The following ACACA variants were observed in gnomAD, a reference collection of about 807,000 sequenced individuals.
ACACA encodes the protein acetyl-CoA carboxylase 1.
ACACA carries 103 observed loss-of-function variants against 296.1 expected under a neutral mutation model. The observed-to-expected ratio is 0.35, with a 90% confidence interval of 0.30 to 0.41. The LOEUF (loss-of-function observed/expected upper bound fraction) is 0.41. Among genes scored for constraint, ACACA ranks in the 10% least tolerant of loss-of-function variants. The pLI is 1.00. For missense variants in ACACA, 1,554 were observed against 2,989.7 expected, an observed-to-expected ratio of 0.52 and a Z score of 11.20; for synonymous variants, 953 against 1,038.6, an observed-to-expected ratio of 0.92 and a Z score of 1.58.
intron 1 of ACACA, chr17:37,389,340 A>T: frequency 6.3e-7 from 1 of 1,590,678 alleles, no homozygotes; most frequent in South Asian, 1.2e-5. Flanking sequence ...GCTGAATCCA[A>T]GCCTGACTCT....
In ACACA at chr17:37,125,727, C is replaced by T; in HGVS notation, c.6012G>A (p.Trp2004Ter). The T allele has an allele frequency of 6.2e-7, 1 of 1,614,044 alleles. No individual in the cohort carries two copies. The highest frequency in any genetic ancestry group is 8.5e-7 in the Non-Finnish European group (1 of 1,180,004). ...CTCTACCAACCACCACAGTCTGTGC[C>T]CAGGGCTGCATAATCTCTGAGAAAG... ...YGSFSEIMQP[W>*]AQTVVVGRAR... is the part of the protein sequence containing the mutation. Residue 2004 changes from tryptophan to a stop codon, truncating the protein, a stop_gained, in exon 48 of 56, where the codon TGG becomes TGA. Coordinates refer to ENST00000616317, the MANE Select transcript of ACACA (RefSeq NM_198834.3). LOFTEE classifies it high-confidence loss of function.
chr17:37,276,120 T>C, intron 7 of ACACA, 71 bp from the exon 8 acceptor site: 2 of 1,101,476 alleles, frequency 1.8e-6, no homozygotes, highest in African/African-American at 3.1e-5. Flanking sequence ...GTAGTTGCCT[T>C]GTATTATAGC....
At chr17:37,216,146 A>C (rs1171088231) in intron 29 of ACACA, among the ~76,000 whole-genome samples, 5 of 135,670 alleles carry the variant, frequency 3.7e-5, no homozygotes, top group African/African-American at 1.4e-4. Context: ...ACACACACAC[A>C]CACACACACA....
At chr17:37,121,231 C>A in intron 50 of ACACA, 124 bp downstream of exon 50, 1 of 1,293,784 alleles carries the variant, frequency 7.7e-7, no homozygotes, top group East Asian at 2.3e-5. Context: ...TCAGAGAGGG[C>A]AGAATCCCCA....
chr17:37,389,109 G>A (rs1041552906), intron 1 of ACACA: 3 of 1,203,388 alleles, frequency 2.5e-6, no homozygotes, highest in Admixed American at 5.7e-5. Context: ...ACATTTTCTA[G>A]GAAGGATAGG....
intron 3 of ACACA, among the ~76,000 whole-genome samples, chr17:37,305,711 A>G (rs995460441): frequency 6.6e-6 from 1 of 152,158 alleles, no homozygotes; most frequent in African/African-American, 2.4e-5. Context: ...GCCATTGAGC[A>G]TGGACATCAT....
At chr17:37,143,045 G>A (rs535701857) in intron 45 of ACACA, among the ~76,000 whole-genome samples, 3 of 152,196 alleles carry the variant, frequency 2.0e-5, no homozygotes, top group Admixed American at 6.5e-5. Flanking sequence ...TTCTCACAGC[G>A]ACTCTGGTAC....
chr17:37,110,103 GA>G (rs1417932895), intron 52 of ACACA, among the ~76,000 whole-genome samples: 6 of 152,096 alleles, frequency 3.9e-5, no homozygotes, highest in African/African-American at 1.4e-4. Context: ...GAAAAAGGAA[GA>G]AAAAAAGGAA....
chr17:37,333,926 G>A (rs1407880175), intron 2 of ACACA, among the ~76,000 whole-genome samples: 3 of 151,642 alleles, frequency 2.0e-5, no homozygotes, highest in Non-Finnish European at 4.4e-5. Context: ...AAAGGCCCAA[G>A]AGGTAATAAA....
chr17:37,249,042 G>A (rs944922113), intron 16 of ACACA, among the ~76,000 whole-genome samples: 6 of 152,026 alleles, frequency 3.9e-5, no homozygotes, highest in South Asian at 2.1e-4. Flanking sequence ...CCTGGTAACC[G>A]TCATTCTACT....
intron 52 of ACACA, among the ~76,000 whole-genome samples, chr17:37,100,976 C>T (rs1044158541): frequency 6.6e-6 from 1 of 151,742 alleles, no homozygotes; most frequent in African/African-American, 2.4e-5. Context: ...ACATGCTTGC[C>T]ATCCCAGCTA....
intron 29 of ACACA, among the ~76,000 whole-genome samples, chr17:37,220,726 G>A (rs145852290): frequency 1.0e-3 from 154 of 152,272 alleles, no homozygotes; most frequent in African/African-American, 3.5e-3. Context: ...CTCATCTGCC[G>A]ACCTCTGCTG....
In ACACA at chr17:37,284,942, T is replaced by C. The variant is rs2082699361; in HGVS notation, c.367A>G (p.Lys123Glu). 6.2e-7 allele frequency: 1 copy of C among 1,614,154 alleles called. No homozygotes were observed. The highest frequency in any genetic ancestry group is 1.3e-5 in the African/African-American group (1 of 75,040). ...RSSMSGLHLV[K>E]QGRDRKKIDS... ...ATTTTCTTTCTGTCTCGGCCCTGCT[T>C]TACTAGGTGCAAGCCAGACATGCTG... The change falls in exon 4 of 56, where the codon AAG becomes GAG. Residue 123 changes from lysine to glutamate, a missense_variant. Lys to Glu is a moderately conservative substitution (Grantham distance 56). Transcript: ENST00000616317.
chr17:37,103,473 G>C (rs1425132372), intron 52 of ACACA, among the ~76,000 whole-genome samples: 2 of 152,102 alleles, frequency 1.3e-5, no homozygotes. Flanking sequence ...AGGGCCTCAG[G>C]GATTTTAGGA....
chr17:37,324,014 T>A (rs1176251727), intron 3 of ACACA, among the ~76,000 whole-genome samples: 1 of 152,170 alleles, frequency 6.6e-6, no homozygotes, highest in Non-Finnish European at 1.5e-5. Flanking sequence ...GTGGATCACC[T>A]GAGGTCAGGG....
At chr17:37,278,687 C>T (rs1333251812) in intron 5 of ACACA, among the ~76,000 whole-genome samples, 1 of 151,924 alleles carries the variant, frequency 6.6e-6, no homozygotes, top group Non-Finnish European at 1.5e-5. Flanking sequence ...GTAACTAGCA[C>T]TTTGTATATA....
At chr17:37,390,262 A>G (rs2050771506) in intron 1 of ACACA, among the ~76,000 whole-genome samples, 1 of 52,300 alleles carries the variant, frequency 1.9e-5, no homozygotes, top group Admixed American at 3.7e-4. Flanking sequence ...ATTATATATA[A>G]TTATATATAA....
intron 49 of ACACA, among the ~76,000 whole-genome samples, chr17:37,121,765 T>A (rs2143014711): frequency 6.6e-6 from 1 of 152,350 alleles, no homozygotes; most frequent in East Asian, 1.9e-4. Context: ...TCTAGGTTTC[T>A]CAAAAGCTAC....
chr17:37,247,306 A>G (rs1406198183), intron 18 of ACACA, among the ~76,000 whole-genome samples: 1 of 152,208 alleles, frequency 6.6e-6, no homozygotes, highest in Non-Finnish European at 1.5e-5. Flanking sequence ...AATGTTCTAC[A>G]CATTTTCAAC....
Sources: allele counts gnomAD v4.1 joint callset (sites outside exome capture counted in the v4.1 genomes callset), GRCh38; gene constraint gnomAD v4.1.1; transcripts MANE v1.5; gene names NCBI Gene and HGNC (gene_info 2026-07-23, HGNC 2026-07-21).